UBE2J2: variants seen among roughly 807,000 people sequenced by gnomAD.
The protein encoded by UBE2J2 is ubiquitin-conjugating enzyme E2 J2.
Under a neutral mutation model 28.6 loss-of-function variants are expected in UBE2J2, and 5 were observed. The observed-to-expected ratio is 0.17, with a 90% CI of 0.09 to 0.37. UBE2J2 has a LOEUF of 0.37. Among genes scored for constraint, UBE2J2 ranks in the 10% least tolerant of loss-of-function variants. The probability of loss-of-function intolerance (pLI) is 1.00; values close to 1 mark genes in which losing one functional copy is unlikely to be tolerated. For missense variants in UBE2J2, 226 were observed against 338.9 expected (o/e 0.67, Z 2.62); for synonymous variants, 138 against 139.7 (o/e 0.99, Z 0.09).
At position 1,255,004 on chromosome 1, in the gene UBE2J2, G is replaced by A. The variant is rs1639088182; in HGVS notation, c.*199C>T. The A allele has an allele frequency of 1.8e-6, 1 of 559,230 alleles. No homozygotes were observed. Among genetic ancestry groups the A allele is most frequent in the Non-Finnish European group, 3.1e-6 (1 of 327,162 alleles). 34.6% of individuals were successfully genotyped at this position (559,230 alleles called of 1,614,324 possible). On this transcript the variant is annotated 3_prime_UTR_variant, in exon 7 of 7. Coordinates refer to ENST00000349431, the MANE Select transcript of UBE2J2 (RefSeq NM_058167.3). ...ACCCACACCAGCCCCAGCGGCCCGT[G>A]GCCAGGACAGGGCTGAGGCTCCAGT... is the stretch of plus-strand genomic sequence containing the variant.
chr1:1,263,491 A>G, intron 2 of UBE2J2, 105 bp from the exon 3 acceptor site: 5 of 974,890 alleles, frequency 5.1e-6, no homozygotes, highest in Non-Finnish European at 8.3e-6. Flanking sequence ...AATTACATTC[A>G]CATTCAGGCA....
At chr1:1,260,795 C>T (rs555585824) in intron 3 of UBE2J2, among the ~76,000 whole-genome samples, 15 of 152,374 alleles carry the variant, frequency 9.8e-5, no homozygotes, top group Non-Finnish European at 1.3e-4. Context: ...CCACTTCATT[C>T]TTTAGAAAAA....
intron 6 of UBE2J2, 74 bp from the exon 7 acceptor site, chr1:1,255,561 G>C: frequency 6.6e-7 from 1 of 1,508,082 alleles, no homozygotes. Flanking sequence ...CCGTTCTCAG[G>C]AGTCCACGGT....
At chr1:1,258,480 C>T (rs913482741) in intron 3 of UBE2J2, among the ~76,000 whole-genome samples, 1 of 152,038 alleles carries the variant, frequency 6.6e-6, no homozygotes, top group Non-Finnish European at 1.5e-5. Context: ...TCTTCGCCCA[C>T]CCAAGCACAG....
chr1:1,261,044 G>A (rs1275195600), intron 3 of UBE2J2, among the ~76,000 whole-genome samples: 4 of 152,194 alleles, frequency 2.6e-5, no homozygotes, highest in Non-Finnish European at 4.4e-5. Flanking sequence ...CAGGAAAAGG[G>A]GTCAGAAATC....
chr1:1,262,117 A>G (rs1482617907), intron 3 of UBE2J2: 2 of 324,348 alleles, frequency 6.2e-6, no homozygotes, highest in Admixed American at 4.4e-5. Flanking sequence ...TCAGCCTCCC[A>G]AAGTGCTGGA....
At chr1:1,273,613 CA>C (rs1388302270) in intron 1 of UBE2J2, 52 bp downstream of exon 1, 2 of 151,622 alleles carry the variant, frequency 1.3e-5, no homozygotes, top group Non-Finnish European at 2.9e-5. Context: ...CCGGCTCCGG[CA>C]GGGGGGACGA....
intron 2 of UBE2J2, 130 bp from the exon 3 acceptor site, chr1:1,263,516 G>A: frequency 1.2e-6 from 1 of 825,730 alleles, no homozygotes; most frequent in Non-Finnish European, 2.1e-6. Context: ...ACAAATGAAG[G>A]TGAAATGTCA....
At chr1:1,266,048 G>A (rs781471770) in intron 2 of UBE2J2, 36 of 1,302,534 alleles carry the variant, frequency 2.8e-5, no homozygotes, top group Non-Finnish European at 3.2e-5. Flanking sequence ...CAATGAAGAC[G>A]TCCTCGCAAC....
chr1:1,255,307 G>C lies in UBE2J2; in HGVS notation c.676C>G (p.His226Asp), dbSNP rs775669924. 1.2e-6 allele frequency: 2 copies of C among 1,613,596 alleles called. No individual in the cohort carries two copies. The highest frequency in any genetic ancestry group is 2.7e-5 in the African/African-American group (2 of 74,952). ...GCCAGGGCGCCACCCAGGAGTCCGT[G>C]GTGCCGGTTGGCCTGCTGGAGCCCT... ...LAGLQQANRH[H>D]GLLGGALANL... Residue 226 changes from histidine to aspartate, a missense_variant, in exon 7 of 7, where the codon CAC becomes GAC. Around this residue, in one of 3 missense-constraint regions of UBE2J2, gnomAD observed 133 missense variants for 161.5 expected, o/e 0.82. Coordinates refer to ENST00000349431, the MANE Select transcript of UBE2J2 (RefSeq NM_058167.3).
chr1:1,260,984 A>C (rs1639525772), intron 3 of UBE2J2, among the ~76,000 whole-genome samples: 1 of 152,264 alleles, frequency 6.6e-6, no homozygotes, highest in Admixed American at 6.5e-5. Flanking sequence ...CACCAGGGGC[A>C]GAACAGCCAC....
At chr1:1,261,746 A>C (rs1351137707) in intron 3 of UBE2J2, among the ~76,000 whole-genome samples, 1 of 150,560 alleles carries the variant, frequency 6.6e-6, no homozygotes, top group Non-Finnish European at 1.5e-5. Context: ...TCCTGGGTTC[A>C]AGCGATTCTC....
intron 2 of UBE2J2, among the ~76,000 whole-genome samples, chr1:1,266,890 T>C (rs1219763020): frequency 6.6e-6 from 1 of 151,800 alleles, no homozygotes; most frequent in African/African-American, 2.4e-5. Context: ...CATTTTATTT[T>C]ATTTTATTTT....
At chr1:1,255,525 A>G (rs1639123088) in intron 6 of UBE2J2, 38 bp from the exon 7 acceptor site, 2 of 1,580,852 alleles carry the variant, frequency 1.3e-6, no homozygotes, top group South Asian at 1.2e-5. Context: ...CTGGTCTCCA[A>G]CCAGCGCCTT....
intron 1 of UBE2J2, among the ~76,000 whole-genome samples, chr1:1,269,460 A>ATT (rs1206586047): frequency 1.5e-4 from 20 of 137,160 alleles, no homozygotes; most frequent in African/African-American, 3.5e-4. Context: ...CTCAAACCTT[A>ATT]TTTTTTTTTT....
intron 3 of UBE2J2, chr1:1,262,539 T>C: frequency 3.0e-6 from 1 of 328,534 alleles, no homozygotes; most frequent in Non-Finnish European, 6.1e-6. Context: ...CACTCTCTTC[T>C]AGTGAAATCT....
chr1:1,263,525 C>G, intron 2 of UBE2J2, 139 bp from the exon 3 acceptor site: 1 of 753,388 alleles, frequency 1.3e-6, no homozygotes, highest in East Asian at 2.5e-5. Flanking sequence ...GGTGAAATGT[C>G]ACACAGCCAC....
chr1:1,255,492 G>A lies in UBE2J2; in HGVS notation c.496-5C>T. ...TTTCTGTTTTTGTTTAATCTCCTAA[G>A]AGAAAAACAGCGAGAAAAGCAGCTG... On this transcript the variant is annotated splice_polypyrimidine_tract_variant and splice_region_variant and intron_variant, in intron 6 of 6. Coordinates refer to ENST00000349431, the MANE Select transcript of UBE2J2 (RefSeq NM_058167.3). The A allele has an allele frequency of 6.2e-7, 1 of 1,601,168 alleles. No individual in the cohort carries two copies. The highest frequency in any genetic ancestry group is 8.5e-7 in the Non-Finnish European group (1 of 1,170,702).
chr1:1,256,909 A>G, intron 5 of UBE2J2, 83 bp downstream of exon 5: 1 of 1,183,206 alleles, frequency 8.5e-7, no homozygotes. Flanking sequence ...AAAAAAAAAA[A>G]AAGGCAGCTG....
Sources: gnomAD v4.1 joint callset for allele counts (sites outside exome capture counted in the v4.1 genomes callset) on GRCh38, gnomAD v4.1.1 for gene constraint, gnomAD v4.1.1 regional missense constraint, MANE v1.5 for transcripts, NCBI Gene and HGNC (gene_info 2026-07-23, HGNC 2026-07-21) for gene names.